PLXNA2: variants seen among roughly 807,000 people sequenced by gnomAD.
PLXNA2 encodes the protein plexin A2, also known as plexin-A2.
A neutral mutation model predicts 193.5 loss-of-function variants in PLXNA2; 91 were observed. The observed-to-expected ratio is 0.47, with a 90% CI of 0.40 to 0.56. The LOEUF is 0.56. Among genes scored for constraint, PLXNA2 ranks in the 20% least tolerant of loss-of-function variants. The pLI is 0.00. For synonymous variants in PLXNA2, 997 were observed against 1,027.3 expected (o/e 0.97, Z 0.56); for missense variants, 1,995 against 2,503.2 (o/e 0.80, Z 4.33).
At chr1:208,168,520 G>T (rs963030117) in intron 3 of PLXNA2, among the ~76,000 whole-genome samples, 1 of 152,036 alleles carries the variant, frequency 6.6e-6, no homozygotes, top group Non-Finnish European at 1.5e-5. Context: ...AATGCCATGA[G>T]GGGGAGTCTA....
At chr1:208,103,502 T>C (rs1046308562) in intron 4 of PLXNA2, among the ~76,000 whole-genome samples, 3 of 152,216 alleles carry the variant, frequency 2.0e-5, no homozygotes, top group African/African-American at 7.2e-5. Context: ...GCTCCATCTA[T>C]TTCTGCCCTC....
intron 4 of PLXNA2, among the ~76,000 whole-genome samples, chr1:208,107,218 T>TGGGGAAGAGGTCC (rs1667297631): frequency 6.6e-6 from 1 of 152,158 alleles, no homozygotes; most frequent in Non-Finnish European, 1.5e-5. Context: ...TCAGAAACAC[T>TGGGGAAGAGGTCC]GGGGAAGAGG....
At chr1:208,058,615 G>A (rs1339058830) in intron 13 of PLXNA2, among the ~76,000 whole-genome samples, 4 of 152,170 alleles carry the variant, frequency 2.6e-5, no homozygotes, top group African/African-American at 7.2e-5. Flanking sequence ...CATCCAGCGA[G>A]GCATGGGGTG....
chr1:208,239,132 T>A (rs1454999478), intron 1 of PLXNA2, among the ~76,000 whole-genome samples: 1 of 149,304 alleles, frequency 6.7e-6, no homozygotes, highest in Non-Finnish European at 1.5e-5. Context: ...ATATATCTCA[T>A]CTATTAATAT....
intron 20 of PLXNA2, 100 bp from the exon 21 acceptor site, chr1:208,043,303 G>C: frequency 8.8e-7 from 1 of 1,141,684 alleles, no homozygotes; most frequent in South Asian, 1.4e-5. Flanking sequence ...AGGACCTTTT[G>C]TAGAGACTCT....
intron 1 of PLXNA2, among the ~76,000 whole-genome samples, chr1:208,235,922 G>A (rs1019262476): frequency 6.6e-5 from 10 of 152,182 alleles, no homozygotes; most frequent in African/African-American, 9.7e-5. Context: ...ACCTCAGGGG[G>A]TGGGGTGTTT....
chr1:208,212,120 C>T (rs112815086), intron 2 of PLXNA2, among the ~76,000 whole-genome samples: 181 of 152,278 alleles, frequency 1.2e-3, no homozygotes, highest in Middle Eastern at 0.01. Context: ...AAATGGCTAT[C>T]GTAGAAATCA....
chr1:208,135,328 T>C (rs1052685956), intron 4 of PLXNA2, among the ~76,000 whole-genome samples: 2 of 152,188 alleles, frequency 1.3e-5, no homozygotes, highest in Non-Finnish European at 2.9e-5. Context: ...CTGTAATCCA[T>C]GGGGATGAGG....
intron 3 of PLXNA2, among the ~76,000 whole-genome samples, chr1:208,204,719 G>A (rs1425123288): frequency 6.6e-6 from 1 of 152,230 alleles, no homozygotes; most frequent in African/African-American, 2.4e-5. Context: ...TGGGGATGGC[G>A]TGATGAATGT....
chr1:208,061,776 G>A (rs1283271034), intron 12 of PLXNA2, among the ~76,000 whole-genome samples: 1 of 152,132 alleles, frequency 6.6e-6, no homozygotes, highest in Non-Finnish European at 1.5e-5. Context: ...AGCTCTTTGG[G>A]ATCCAACAGA....
intron 3 of PLXNA2, chr1:208,209,983 AT>A (rs1553297870): frequency 0.028 from 2,469 of 87,888 alleles, 335 homozygotes; most frequent in South Asian, 0.066. Context: ...ATGAAGAGCA[AT>A]TTTTTTTTTT....
chr1:208,066,804 T>G (rs538090719), intron 12 of PLXNA2, among the ~76,000 whole-genome samples: 1 of 152,088 alleles, frequency 6.6e-6, no homozygotes, highest in South Asian at 2.1e-4. Context: ...GATAAGGAGG[T>G]GGAAGACAGT....
chr1:208,211,566 G>C (rs1448459590), intron 2 of PLXNA2, among the ~76,000 whole-genome samples: 1 of 152,064 alleles, frequency 6.6e-6, no homozygotes, highest in African/African-American at 2.4e-5. Context: ...GGTGGTGTGT[G>C]CCTGTAGTCC....
At chr1:208,242,628 GAC>G (rs1672096439) in intron 1 of PLXNA2, among the ~76,000 whole-genome samples, 1 of 152,102 alleles carries the variant, frequency 6.6e-6, no homozygotes, top group South Asian at 2.1e-4. Context: ...GACCCTTACT[GAC>G]CTAGAGCCCC....
chr1:208,129,180 A>G (rs1422976332), intron 4 of PLXNA2, among the ~76,000 whole-genome samples: 1 of 152,156 alleles, frequency 6.6e-6, no homozygotes, highest in Non-Finnish European at 1.5e-5. Flanking sequence ...ATGGGCAGAG[A>G]TCTTCCTTGC....
chr1:208,194,626 C>T (rs1044010860), intron 3 of PLXNA2, among the ~76,000 whole-genome samples: 1 of 152,114 alleles, frequency 6.6e-6, no homozygotes, highest in African/African-American at 2.4e-5. Context: ...AGAAAAAGAA[C>T]ACCATTACCT....
At chr1:208,112,796 C>T (rs1243561685) in intron 4 of PLXNA2, among the ~76,000 whole-genome samples, 2 of 152,088 alleles carry the variant, frequency 1.3e-5, no homozygotes, top group Non-Finnish European at 2.9e-5. Context: ...GGATCCTTGG[C>T]TGAAAGAAGT....
chr1:208,108,884 T>C (rs945328247), intron 4 of PLXNA2, among the ~76,000 whole-genome samples: 3 of 152,122 alleles, frequency 2.0e-5, no homozygotes, highest in African/African-American at 7.2e-5. Context: ...GAGCACTCAG[T>C]GTTCAAGCGA....
At position 208,103,817 on chromosome 1, in the gene PLXNA2, C is replaced by T. The variant is rs150904394; in HGVS notation, c.1507-570G>A. ...GTAAATCTCCCATCCTTTGAAAAGT[C>T]TGGCTAAATGGGAACATCCACAGAA... On this transcript the variant is annotated intron_variant, in intron 4 of 31. Coordinates refer to ENST00000367033, the MANE Select transcript of PLXNA2 (RefSeq NM_025179.4). Among the ~76,000 whole-genome samples the T allele has an allele frequency of 2.2e-4, 33 of 152,320 alleles. 1 individual carries two copies. Among genetic ancestry groups the T allele is most frequent in the African/African-American group, 7.9e-4 (33 of 41,580 alleles).
Sources: allele counts gnomAD v4.1 joint callset (sites outside exome capture counted in the v4.1 genomes callset), GRCh38; gene constraint gnomAD v4.1.1; transcripts MANE v1.5; gene names NCBI Gene and HGNC (gene_info 2026-07-23, HGNC 2026-07-21).